Variants in TRIM2 observed in about 807,000 individuals in gnomAD.
The protein encoded by TRIM2 is tripartite motif-containing protein 2.
TRIM2 carries 20 observed loss-of-function variants against 75.2 expected under a neutral mutation model. That is an observed-to-expected ratio of 0.27 (90% CI 0.19 to 0.39). The LOEUF (loss-of-function observed/expected upper bound fraction) is 0.39. TRIM2 is among the 10% of genes least tolerant of loss of function. The pLI, the probability that TRIM2 is intolerant of heterozygous loss-of-function variation, is 1.00. For synonymous variants in TRIM2, 373 were observed against 388.3 expected (o/e 0.96, Z 0.46); for missense variants, 660 against 990.8 (o/e 0.67, Z 4.48).
At chr4:153,201,198 A>G (rs1734328685), upstream of TRIM2, among the ~76,000 whole-genome samples, 2 of 152,146 alleles carry the variant, frequency 1.3e-5, no homozygotes, top group Admixed American at 6.5e-5. Flanking sequence ...TTTTGACCTC[A>G]GATGATCCAC....
chr4:153,280,191 G>A (rs535206326), intron 3 of TRIM2, among the ~76,000 whole-genome samples: 118 of 151,172 alleles, frequency 7.8e-4, no homozygotes, highest in African/African-American at 2.8e-3. Context: ...ACATAGTATA[G>A]TAAGTTTATT....
At chr4:153,227,147 A>G (rs1338330656) in intron 1 of TRIM2, among the ~76,000 whole-genome samples, 1 of 152,174 alleles carries the variant, frequency 6.6e-6, no homozygotes, top group Non-Finnish European at 1.5e-5. Flanking sequence ...ACACTTTCTG[A>G]GAGAATCAAG....
chr4:153,288,281 A>G lies in TRIM2; in HGVS notation c.454-4701A>G, dbSNP rs944516983. 3.9e-5 allele frequency among the ~76,000 whole-genome samples: 6 copies of G among 152,060 alleles called. No individual in the cohort carries two copies. The East Asian group carries it at 1.2e-3, about 29-fold the overall frequency. On this transcript the variant is annotated intron_variant, in intron 3 of 11. Transcript: ENST00000338700. ...GTGAAACCTTGTCTCTACTAAAAAT[A>G]CAAAAATTAGCCAGGGATGGTGGCG...
chr4:153,185,196 T>C (rs1340615502), intron 1 of TRIM2, among the ~76,000 whole-genome samples: 1 of 152,236 alleles, frequency 6.6e-6, no homozygotes, highest in Non-Finnish European at 1.5e-5. Context: ...TGAGTTGTTT[T>C]CATTGTGATT....
intron 1 of TRIM2, among the ~76,000 whole-genome samples, chr4:153,258,497 G>A (rs1359261148): frequency 2.6e-5 from 4 of 152,090 alleles, no homozygotes; most frequent in African/African-American, 9.7e-5. Context: ...CTACAAGTAT[G>A]CCCCACCCTG....
chr4:153,265,777 C>CAT (rs2150010340), intron 1 of TRIM2: 1 of 152,116 alleles, frequency 6.6e-6, no homozygotes, highest in South Asian at 2.1e-4. Context: ...ACAAGTTACA[C>CAT]ACACACACTC....
chr4:153,202,560 A>G (rs1250723647), upstream of TRIM2, among the ~76,000 whole-genome samples: 6 of 152,074 alleles, frequency 3.9e-5, no homozygotes, highest in East Asian at 1.9e-4. Flanking sequence ...TTAGCCGGGC[A>G]TGGCGGCATG....
chr4:153,243,811 T>A (rs1314013355), intron 1 of TRIM2, among the ~76,000 whole-genome samples: 3 of 123,816 alleles, frequency 2.4e-5, no homozygotes, highest in East Asian at 5.1e-4. Context: ...CCCCTCCTTT[T>A]TTTTTTTCCC....
chr4:153,270,180 G>A (rs1051783198), intron 1 of TRIM2, among the ~76,000 whole-genome samples, 155 bp from the exon 2 acceptor site: 8 of 151,916 alleles, frequency 5.3e-5, no homozygotes, highest in Non-Finnish European at 7.4e-5. Flanking sequence ...CGCCCACCTC[G>A]GCCTCCCAAA....
intron 1 of TRIM2, among the ~76,000 whole-genome samples, chr4:153,236,426 G>A (rs1298119395): frequency 6.6e-6 from 1 of 151,894 alleles, no homozygotes; most frequent in Non-Finnish European, 1.5e-5. Flanking sequence ...GGCTCTTTCT[G>A]TTTAGCCCCA....
intron 8 of TRIM2, 58 bp from the exon 9 acceptor site, chr4:153,322,590 T>C (rs1769260419): frequency 1.0e-5 from 16 of 1,565,428 alleles, no homozygotes; most frequent in Non-Finnish European, 1.1e-5. Context: ...TCATGTTCTG[T>C]AGTGGTTTAA....
At chr4:153,184,045 G>A (rs1479378761) in intron 1 of TRIM2, among the ~76,000 whole-genome samples, 1 of 152,162 alleles carries the variant, frequency 6.6e-6, no homozygotes, top group African/African-American at 2.4e-5. Flanking sequence ...AGCAGTGGAA[G>A]GCTAAGCTGC....
chr4:153,164,005 C>G (rs1730030907), intron 1 of TRIM2, among the ~76,000 whole-genome samples: 1 of 152,142 alleles, frequency 6.6e-6, no homozygotes, highest in African/African-American at 2.4e-5. Flanking sequence ...AGATTTCTTA[C>G]TGTGGCAAGT....
chr4:153,260,724 A>ACATCATCAT (rs1553981981), intron 1 of TRIM2, among the ~76,000 whole-genome samples: 1 of 112,574 alleles, frequency 8.9e-6, no homozygotes, highest in Non-Finnish European at 1.8e-5. Flanking sequence ...ACACACACAC[A>ACATCATCAT]CATCATCATC....
At chr4:153,270,311 C>G in intron 1 of TRIM2, 24 bp from the exon 2 acceptor site, 2 of 1,596,422 alleles carry the variant, frequency 1.3e-6, no homozygotes, top group Non-Finnish European at 1.7e-6. Flanking sequence ...ATATGTTTTT[C>G]TGTTTTGATT....
chr4:153,305,813 A>G (rs1560985418), intron 6 of TRIM2, among the ~76,000 whole-genome samples: 1 of 152,202 alleles, frequency 6.6e-6, no homozygotes, highest in Non-Finnish European at 1.5e-5. Flanking sequence ...TAAGGTTCTA[A>G]TAACAGTAAC....
At chr4:153,222,069 GAAAGAAAGA>G (rs1740692431) in intron 1 of TRIM2, among the ~76,000 whole-genome samples, 1 of 139,468 alleles carries the variant, frequency 7.2e-6, no homozygotes, top group African/African-American at 2.6e-5. Context: ...AGGAAGGAAG[GAAAGAAAGA>G]GAGAGAGAGG....
At chr4:153,240,833 C>G (rs1746365404) in intron 1 of TRIM2, among the ~76,000 whole-genome samples, 1 of 152,288 alleles carries the variant, frequency 6.6e-6, no homozygotes, top group Middle Eastern at 3.4e-3. Flanking sequence ...AATCCCAGCA[C>G]TTTGGGAGGC....
chr4:153,242,596 C>T (rs775670768), intron 1 of TRIM2, among the ~76,000 whole-genome samples: 2 of 152,204 alleles, frequency 1.3e-5, no homozygotes, highest in Non-Finnish European at 2.9e-5. Flanking sequence ...TCCTCAGCAT[C>T]GTTTTCTAGT....
Sources: allele counts gnomAD v4.1 joint callset (sites outside exome capture counted in the v4.1 genomes callset), GRCh38; gene constraint gnomAD v4.1.1; transcripts MANE v1.5; gene names NCBI Gene and HGNC (gene_info 2026-07-23, HGNC 2026-07-21).